The following FBN2 variants were observed in gnomAD, a reference collection of about 807,000 sequenced individuals.
FBN2 encodes fibrillin 2, also known as fibrillin-2.
FBN2 carries 105 observed loss-of-function variants against 355.6 expected under a neutral mutation model. That is an observed-to-expected ratio of 0.30 (90% CI 0.25 to 0.35). The LOEUF (loss-of-function observed/expected upper bound fraction) is 0.35, where lower values mean the gene tolerates loss of function less well. FBN2 is among the 10% of genes least tolerant of loss of function. The probability of loss-of-function intolerance (pLI) is 1.00; values close to 1 mark genes in which losing one functional copy is unlikely to be tolerated. For synonymous variants in FBN2, 1,350 were observed against 1,301.2 expected (o/e 1.04, Z -0.81); for missense variants, 3,280 against 3,758.7 (o/e 0.87, Z 3.33).
intron 4 of FBN2, among the ~76,000 whole-genome samples, chr5:128,521,471 T>A (rs532610458): frequency 4.1e-4 from 62 of 152,200 alleles, no homozygotes; most frequent in Admixed American, 1.0e-3. Flanking sequence ...ATGGCACACA[T>A]TTACCTATGT....
intron 6 of FBN2, among the ~76,000 whole-genome samples, chr5:128,450,781 T>A (rs1454121617): frequency 6.6e-6 from 1 of 152,092 alleles, no homozygotes. Flanking sequence ...TAATAAACAC[T>A]GTATATAAAA....
Position 128,376,832 on chromosome 5 carries a change from G to A in FBN2, c.1871C>T (p.Thr624Ile). The change falls in exon 14 of 65, where the codon ACC becomes ATC. Residue 624 changes from threonine to isoleucine, a missense_variant. Transcript: ENST00000262464. Reference sequence around the variant, plus strand: ...GCACATTCCATTCAAACACATGTTGGTAGTTGTACATTCATCATGATCTGC... The same window carrying A: ...GCACATTCCATTCAAACACATGTTGATAGTTGTACATTCATCATGATCTGC... ...NCVDHDECTT[T>I]NMCLNGMCIN... 1.2e-6 allele frequency: 2 copies of A among 1,613,416 alleles called. No individual in the cohort carries two copies. The highest frequency in any genetic ancestry group is 1.7e-6 in the Non-Finnish European group (2 of 1,179,602).
At chr5:128,496,985 CAAA>C (rs1005646299) in intron 5 of FBN2, among the ~76,000 whole-genome samples, 7 of 151,438 alleles carry the variant, frequency 4.6e-5, no homozygotes, top group Non-Finnish European at 1.0e-4. Flanking sequence ...ATAAATTTGA[CAAA>C]AGAAGTACGA....
chr5:128,352,038 G>C (rs1309722214), intron 20 of FBN2, among the ~76,000 whole-genome samples: 1 of 151,986 alleles, frequency 6.6e-6, no homozygotes, highest in Non-Finnish European at 1.5e-5. Context: ...CACACACAAT[G>C]TATGTTCTGT....
At chr5:128,421,657 T>A (rs1753352901) in intron 7 of FBN2, among the ~76,000 whole-genome samples, 1 of 151,632 alleles carries the variant, frequency 6.6e-6, no homozygotes, top group Non-Finnish European at 1.5e-5. Context: ...AATGAAGAGA[T>A]CACACGAGAA....
chr5:128,533,398 A>C (rs1291381980), intron 2 of FBN2, among the ~76,000 whole-genome samples: 1 of 152,196 alleles, frequency 6.6e-6, no homozygotes, highest in Admixed American at 6.5e-5. Context: ...AATGAGAAGC[A>C]AGAATGCTGA....
rs1393309892 is a variant in FBN2, at chr5:128,527,901, T to C, written c.503A>G (p.Lys168Arg). ...TCCACAATAAGTTCCAATATATCCT[T>C]TCTGGCACTGGCAGTGGTCATCTGC... ...TCADDHCQCQ[K>R]GYIGTYCGQP... The change falls in exon 4 of 65, where the codon AAA becomes AGA. Residue 168 changes from lysine (K) to arginine (R), a missense_variant. Around this residue, in one of 6 missense-constraint regions of FBN2, gnomAD observed 130 missense variants for 189.9 expected, o/e 0.68. Coordinates refer to ENST00000262464, the MANE Select transcript of FBN2 (RefSeq NM_001999.4). 1 of 1,612,184 alleles carries C rather than the reference T, an allele frequency of 6.2e-7. No individual in the cohort carries two copies. Among genetic ancestry groups the C allele is most frequent in the Non-Finnish European group, 8.5e-7 (1 of 1,178,584 alleles).
At chr5:128,283,934 A>G (rs1190115961) in intron 55 of FBN2, among the ~76,000 whole-genome samples, 1 of 152,146 alleles carries the variant, frequency 6.6e-6, no homozygotes, top group Non-Finnish European at 1.5e-5. Context: ...TCCATCAGAA[A>G]TCCAATCTGT....
chr5:128,460,494 A>G, intron 6 of FBN2, among the ~76,000 whole-genome samples: 1 of 152,066 alleles, frequency 6.6e-6, no homozygotes, highest in Non-Finnish European at 1.5e-5. Context: ...TCACAGAATT[A>G]GAAAAAAAAA....
chr5:128,437,777 G>T lies in FBN2; in HGVS notation c.952+8704C>A, dbSNP rs753513480. On this transcript the variant is annotated intron_variant, in intron 7 of 64. Coordinates refer to ENST00000262464, the MANE Select transcript of FBN2 (RefSeq NM_001999.4). ...GATAGATAAATAGTATGTATGTATA[G>T]ATAGATAGATAGATAGATAGATAGA... Among the ~76,000 whole-genome samples, 20 of 11,748 alleles carry T rather than the reference G, an allele frequency of 1.7e-3. 2 individuals carry two copies. In the South Asian group the frequency reaches 0.054, roughly 32 times the overall value. 7.7% of individuals were successfully genotyped at this position (11,748 alleles called of 152,430 possible).
chr5:128,499,273 G>T (rs968288990), intron 5 of FBN2, among the ~76,000 whole-genome samples: 1 of 152,186 alleles, frequency 6.6e-6, no homozygotes, highest in African/African-American at 2.4e-5. Context: ...TATTCAATGT[G>T]AAAATTGAAT....
intron 5 of FBN2, among the ~76,000 whole-genome samples, chr5:128,503,731 C>T (rs927273428): frequency 3.3e-5 from 5 of 152,108 alleles, no homozygotes; most frequent in East Asian, 3.9e-4. Flanking sequence ...AAATTGCAGC[C>T]TGACAATGTG....
At chr5:128,277,756 C>T (rs965036586) in intron 58 of FBN2, 124 bp downstream of exon 58, 13 of 1,147,642 alleles carry the variant, frequency 1.1e-5, no homozygotes, top group African/African-American at 7.7e-5. Context: ...AGGATGGCAA[C>T]ATTTTAATAA....
chr5:128,460,853 CA>C (rs1359539352), intron 6 of FBN2, among the ~76,000 whole-genome samples: 1 of 151,608 alleles, frequency 6.6e-6, no homozygotes, highest in East Asian at 1.9e-4. Flanking sequence ...ATACAAAAAT[CA>C]AGATGGATTA....
chr5:128,282,538 T>C (rs115418133), intron 55 of FBN2, among the ~76,000 whole-genome samples: 1 of 152,110 alleles, frequency 6.6e-6, no homozygotes, highest in Non-Finnish European at 1.5e-5. Context: ...TTTGATTATG[T>C]ATAATACAGT....
At chr5:128,474,635 C>T (rs948093345) in intron 5 of FBN2, among the ~76,000 whole-genome samples, 1 of 152,136 alleles carries the variant, frequency 6.6e-6, no homozygotes, top group Non-Finnish European at 1.5e-5. Context: ...GTAGTATTTT[C>T]CTACTAAAAT....
chr5:128,531,733 T>TAA (rs1467211690), intron 2 of FBN2, among the ~76,000 whole-genome samples: 1 of 150,182 alleles, frequency 6.7e-6, no homozygotes, highest in African/African-American at 2.4e-5. Flanking sequence ...TATATATATA[T>TAA]ATATATATAC....
intron 6 of FBN2, among the ~76,000 whole-genome samples, chr5:128,451,354 C>T (rs1044432704): frequency 5.3e-5 from 8 of 152,160 alleles, no homozygotes; most frequent in Admixed American, 5.2e-4. Flanking sequence ...ATATACTAAA[C>T]ATTCTAATTC....
At chr5:128,489,824 T>C (rs2127123831) in intron 5 of FBN2, among the ~76,000 whole-genome samples, 1 of 152,334 alleles carries the variant, frequency 6.6e-6, no homozygotes, top group South Asian at 2.1e-4. Context: ...TGTTTGTGAT[T>C]ATTCACTTGT....
Sources: gnomAD v4.1 joint callset for allele counts (sites outside exome capture counted in the v4.1 genomes callset) on GRCh38, gnomAD v4.1.1 for gene constraint, gnomAD v4.1.1 regional missense constraint, MANE v1.5 for transcripts, NCBI Gene and HGNC (gene_info 2026-07-23, HGNC 2026-07-21) for gene names.